ADAMTS20: variants seen among roughly 807,000 people sequenced by gnomAD.
ADAMTS20 encodes the protein A disintegrin and metalloproteinase with thrombospondin motifs 20.
ADAMTS20 carries 225 observed loss-of-function variants against 260.1 expected under a neutral mutation model. The observed-to-expected ratio is 0.87, with a 90% CI of 0.78 to 0.97. The LOEUF (loss-of-function observed/expected upper bound fraction) is 0.97. Ranked by LOEUF, ADAMTS20 falls within the 50% of genes least tolerant of loss-of-function variation. The pLI is 0.00. For missense variants in ADAMTS20, 2,400 were observed against 2,337.7 expected, an observed-to-expected ratio of 1.03 and a Z score of -0.55; for synonymous variants, 802 against 769.5, an observed-to-expected ratio of 1.04 and a Z score of -0.70.
rs1017068225 is a variant in ADAMTS20 at position 43,374,089 on chromosome 12, C to T, written c.5446+1290G>A. Among the ~76,000 whole-genome samples, 13 of 151,978 alleles carry T rather than the reference C, an allele frequency of 8.6e-5. No individual in the cohort carries two copies. In the East Asian group the frequency reaches 1.7e-3, roughly 20 times the overall value. ...TTTCTCATTTTACACATGAGGGAAC[C>T]GAGGCTTAAAGACATATGCCCAAAG... is the stretch of plus-strand genomic sequence containing the variant. On this transcript the variant is annotated intron_variant, in intron 36 of 38. Transcript: ENST00000389420.
At chr12:43,543,456 T>C (rs948150681) in intron 2 of ADAMTS20, among the ~76,000 whole-genome samples, 1 of 152,108 alleles carries the variant, frequency 6.6e-6, no homozygotes, top group Non-Finnish European at 1.5e-5. Context: ...CAAGTTGGGG[T>C]TAGGGTTGCA....
At chr12:43,394,928 A>T (rs572764068) in intron 29 of ADAMTS20, among the ~76,000 whole-genome samples, 1 of 152,140 alleles carries the variant, frequency 6.6e-6, no homozygotes, top group Admixed American at 6.6e-5. Context: ...TTAATATAGT[A>T]TCAGGAAGTG....
In ADAMTS20 at chr12:43,376,513, C is replaced by T. The variant is rs930412276; in HGVS notation, c.5125+11G>A. 5 of 1,605,978 alleles carry T rather than the reference C, an allele frequency of 3.1e-6. No individual in the cohort carries two copies. Among genetic ancestry groups the T allele is most frequent in the Admixed American group, 1.7e-5 (1 of 58,434 alleles). On this transcript the variant is annotated intron_variant, in intron 33 of 38. Transcript: ENST00000389420. ...CCCTTAGGTATTAGATTTTTGAAGT[C>T]TACTACTTACAGTCATTGGCATAAC...
At chr12:43,367,084 GCCC>G in intron 37 of ADAMTS20, among the ~76,000 whole-genome samples, 1 of 151,906 alleles carries the variant, frequency 6.6e-6, no homozygotes, top group South Asian at 2.1e-4. Context: ...ACGAAGAAAA[GCCC>G]AGGCTCAGAT....
chr12:43,404,620 T>C (rs907576275), intron 28 of ADAMTS20, among the ~76,000 whole-genome samples: 3 of 152,228 alleles, frequency 2.0e-5, no homozygotes, highest in Admixed American at 6.5e-5. Context: ...TGCTACTACA[T>C]CATTTCATCT....
At chr12:43,422,918 A>G (rs1261550136) in intron 28 of ADAMTS20, 1 of 152,088 alleles carries the variant, frequency 6.6e-6, no homozygotes, top group Admixed American at 6.5e-5. Flanking sequence ...ACAAAAATAT[A>G]TTGGAATATA....
intron 4 of ADAMTS20, among the ~76,000 whole-genome samples, chr12:43,501,194 G>A (rs775764127): frequency 6.6e-6 from 1 of 151,278 alleles, no homozygotes; most frequent in African/African-American, 2.4e-5. Flanking sequence ...GAGTAGCTGG[G>A]ATTATAGGCA....
chr12:43,362,960 T>C (rs142859558), intron 37 of ADAMTS20, among the ~76,000 whole-genome samples: 2 of 152,224 alleles, frequency 1.3e-5, no homozygotes, highest in Non-Finnish European at 2.9e-5. Context: ...GCTGACTGCT[T>C]GATTTTAGCC....
In ADAMTS20 at chr12:43,551,843, G is replaced by A; in HGVS notation, c.79C>T (p.His27Tyr). 1.2e-6 allele frequency: 2 copies of A among 1,613,636 alleles called. No homozygotes were observed. The highest frequency in any genetic ancestry group is 1.7e-6 in the Non-Finnish European group (2 of 1,179,706). Residue 27 changes from histidine to tyrosine, a missense_variant, in exon 1 of 39, where the codon CAC becomes TAC. By Grantham distance (83) the His-to-Tyr change is moderately conservative. Transcript: ENST00000389420. The surrounding 1 kb of genome is among the most constrained non-coding windows in gnomAD (Gnocchi z 4.6). Reference sequence around the variant, plus strand: ...GCGGTGACTTTACCTTGCCTGGGGTGGAAGTCAACTTCCCAAGACCTGGTG... The same window carrying A: ...GCGGTGACTTTACCTTGCCTGGGGTAGAAGTCAACTTCCCAAGACCTGGTG... ...FITRSWEVDF[H>Y]PRQEALVRTL... is the part of the protein sequence containing the mutation.
chr12:43,445,519 A>G (rs1468337623), intron 15 of ADAMTS20, among the ~76,000 whole-genome samples: 1 of 152,194 alleles, frequency 6.6e-6, no homozygotes, highest in East Asian at 1.9e-4. Context: ...ATTTGAACAC[A>G]CATGAACACA....
chr12:43,383,772 G>C lies in ADAMTS20; in HGVS notation c.4626+32C>G, dbSNP rs751673932. 6.8e-6 allele frequency: 11 copies of C among 1,613,300 alleles called. No individual in the cohort carries two copies. In the Admixed American group the frequency reaches 1.5e-4, roughly 22 times the overall value. On this transcript the variant is annotated intron_variant, in intron 30 of 38. Coordinates refer to ENST00000389420, the MANE Select transcript of ADAMTS20 (RefSeq NM_025003.5). ...AATGAATAACACATTCTTATATGCA[G>C]TGTCTTTGAAAATTTACATGTCGAT...
chr12:43,474,979 G>T (rs1942326665), intron 7 of ADAMTS20, among the ~76,000 whole-genome samples: 2 of 118,930 alleles, frequency 1.7e-5, no homozygotes, highest in African/African-American at 6.2e-5. Context: ...AGTGTTGGAA[G>T]TTCTGGCCAG....
chr12:43,547,719 G>A (rs1018650739), intron 2 of ADAMTS20, among the ~76,000 whole-genome samples: 3 of 152,122 alleles, frequency 2.0e-5, no homozygotes, highest in Admixed American at 1.3e-4. Context: ...GTATTTGAAG[G>A]CTGCACAATG....
chr12:43,460,988 A>ATTTTTT (rs1161740021), intron 11 of ADAMTS20, among the ~76,000 whole-genome samples: 16 of 26,394 alleles, frequency 6.1e-4, no homozygotes, highest in South Asian at 2.7e-3. Context: ...ATATATATAT[A>ATTTTTT]TTTTTTTTTT....
At chr12:43,492,132 A>G (rs905066625) in intron 6 of ADAMTS20, among the ~76,000 whole-genome samples, 2 of 151,832 alleles carry the variant, frequency 1.3e-5, no homozygotes, top group Non-Finnish European at 2.9e-5. Context: ...TGTAATCCCA[A>G]CACTTTGGGA....
chr12:43,442,575 A>G (rs1256056592), intron 16 of ADAMTS20, among the ~76,000 whole-genome samples: 1 of 152,070 alleles, frequency 6.6e-6, no homozygotes, highest in East Asian at 1.9e-4. Flanking sequence ...CTAATTTTTA[A>G]AGTTGAGAAT....
intron 37 of ADAMTS20, among the ~76,000 whole-genome samples, chr12:43,365,402 T>C (rs762647945): frequency 5.9e-5 from 9 of 152,096 alleles, no homozygotes; most frequent in African/African-American, 9.7e-5. Flanking sequence ...TTTTAACTGA[T>C]TTAAAAGCAA....
intron 3 of ADAMTS20, among the ~76,000 whole-genome samples, chr12:43,506,789 T>A (rs1052869775): frequency 1.2e-4 from 19 of 152,034 alleles, no homozygotes; most frequent in African/African-American, 4.6e-4. Flanking sequence ...CCTTTTTTTT[T>A]TTTTTTTTAC....
At chr12:43,523,456 A>AG (rs1421152340) in intron 3 of ADAMTS20, among the ~76,000 whole-genome samples, 1 of 149,528 alleles carries the variant, frequency 6.7e-6, no homozygotes, top group East Asian at 1.9e-4. Flanking sequence ...GGCCAGAACC[A>AG]GGTGGGGGTG....
Sources: allele counts gnomAD v4.1 joint callset (sites outside exome capture counted in the v4.1 genomes callset), GRCh38; gene constraint gnomAD v4.1.1; non-coding constraint Gnocchi (gnomAD v3.1); transcripts MANE v1.5; gene names NCBI Gene and HGNC (gene_info 2026-07-23, HGNC 2026-07-21).